Variants in DGAT2L6 observed in about 807,000 individuals in gnomAD.
DGAT2L6 encodes the protein diacylglycerol O-acyltransferase 2 like 6, also known as diacylglycerol O-acyltransferase 2-like protein 6.
A neutral mutation model predicts 25.5 loss-of-function variants in DGAT2L6; 22 were observed. The observed-to-expected ratio is 0.86, with a 90% CI of 0.62 to 1.23. DGAT2L6 has a LOEUF of 1.23. DGAT2L6 is among the 50% of genes most tolerant of loss of function. The probability of loss-of-function intolerance (pLI) is 0.00; values close to 1 mark genes in which losing one functional copy is unlikely to be tolerated. For synonymous variants in DGAT2L6, 100 were observed against 94.7 expected (o/e 1.06, Z -0.32); for missense variants, 287 against 253.2 (o/e 1.13, Z -0.91).
intron 1 of DGAT2L6, among the ~76,000 whole-genome samples, chrX:70,182,791 C>T (rs2085347615): frequency 9.0e-6 from 1 of 111,581 alleles, no homozygotes; most frequent in South Asian, 3.8e-4. Context: ...GTAGCTGGGA[C>T]TACAGGTGCC....
At chrX:70,188,154 G>A (rs2085365054) in intron 1 of DGAT2L6, among the ~76,000 whole-genome samples, 1 of 111,806 alleles carries the variant, frequency 8.9e-6, no homozygotes, top group Non-Finnish European at 1.9e-5. Context: ...ACCCACTTAG[G>A]TCATATTGGT....
chrX:70,202,182 CT>C lies in DGAT2L6; in HGVS notation c.647+120del, dbSNP rs1177804575. The C allele has an allele frequency of 1.1e-5, 7 of 645,270 alleles. No homozygotes were observed. In the East Asian group the frequency reaches 3.0e-4, roughly 28 times the overall value. 53.2% of individuals were successfully genotyped at this position (645,270 alleles called of 1,213,427 possible). A position where few individuals can be genotyped will look rare whatever the true frequency, so the allele number is the denominator to read the frequency against. ...AGGGCCCCCATCTTCACTCTAATTC[CT>C]TCTGTCTACCCCCTCACATTGTGCC... is the stretch of plus-strand genomic sequence containing the variant. On this transcript the variant is annotated intron_variant, in intron 5 of 6. Coordinates refer to ENST00000333026, the MANE Select transcript of DGAT2L6 (RefSeq NM_198512.3).
At chrX:70,182,767 C>T (rs899471925) in intron 1 of DGAT2L6, among the ~76,000 whole-genome samples, 1 of 111,734 alleles carries the variant, frequency 8.9e-6, no homozygotes, top group Non-Finnish European at 1.9e-5. Context: ...CATTCTCCTG[C>T]CTCAGCCTCC....
At chrX:70,188,088 T>C (rs2085364887) in intron 1 of DGAT2L6, among the ~76,000 whole-genome samples, 1 of 112,201 alleles carries the variant, frequency 8.9e-6, no homozygotes, top group African/African-American at 3.2e-5. Flanking sequence ...ATATTGGCTA[T>C]TAATCTATGG....
At chrX:70,198,332 C>T (rs1450432823) in intron 1 of DGAT2L6, among the ~76,000 whole-genome samples, 1 of 112,140 alleles carries the variant, frequency 8.9e-6, no homozygotes, top group East Asian at 2.8e-4. Flanking sequence ...ACAAAATGAA[C>T]ACAGTAAAGT....
In DGAT2L6 at chrX:70,204,391, T is replaced by C. The variant is rs1169569111; in HGVS notation, c.734T>C (p.Phe245Ser). The change falls in exon 6 of 7, where the codon TTC becomes TCC. Residue 245 changes from phenylalanine to serine, a missense_variant. Phe to Ser is a radical substitution (Grantham distance 155). Transcript: ENST00000333026. Reference protein sequence around the residue: ...TFPEGTWLRLFQKTFQDTFKK... With the variant: ...TFPEGTWLRLSQKTFQDTFKK... ...CCTGAGGGCACGTGGTTAAGGTTGT[T>C]CCAAAAAACCTTCCAGGACACATTC... 1 of 1,211,296 alleles carries C rather than the reference T, an allele frequency of 8.3e-7. No individual in the cohort carries two copies. Among genetic ancestry groups the C allele is most frequent in the Non-Finnish European group, 1.1e-6 (1 of 895,354 alleles).
chrX:70,180,306 G>A (rs879253291), intron 1 of DGAT2L6, among the ~76,000 whole-genome samples: 1 of 110,382 alleles, frequency 9.1e-6, no homozygotes, highest in Non-Finnish European at 1.9e-5. Context: ...AAAATTAGCT[G>A]TGTGTGGTGG....
At chrX:70,177,827 G>C (rs1287611927) in intron 1 of DGAT2L6, among the ~76,000 whole-genome samples, 160 bp downstream of exon 1, 9 of 110,646 alleles carry the variant, frequency 8.1e-5, no homozygotes, top group African/African-American at 3.0e-4. Flanking sequence ...CAGCTGTTCT[G>C]GTTTAAAGAT....
chrX:70,202,123 C>T (rs1221934287), intron 5 of DGAT2L6, 59 bp downstream of exon 5: 2 of 1,023,720 alleles, frequency 2.0e-6, no homozygotes, highest in Admixed American at 4.3e-5. Context: ...CTGTAGCCCT[C>T]TCCAGAATGG....
intron 1 of DGAT2L6, among the ~76,000 whole-genome samples, chrX:70,192,550 G>A (rs180928379): frequency 5.4e-5 from 6 of 111,455 alleles, no homozygotes; most frequent in East Asian, 5.6e-4. Flanking sequence ...TAGTACTTTC[G>A]TCACTTATGT....
chrX:70,184,577 G>GCC (rs1213693669), intron 1 of DGAT2L6, among the ~76,000 whole-genome samples: 4 of 109,643 alleles, frequency 3.6e-5, no homozygotes. Context: ...CGATCCTCTT[G>GCC]CCTCAGCTTC....
Position 70,204,362 on chromosome X carries a change from C to T in DGAT2L6, c.705C>T (p.Thr235=), listed in dbSNP as rs1275236462. 1.7e-6 allele frequency: 2 copies of T among 1,210,767 alleles called. No individual in the cohort carries two copies. The highest frequency in any genetic ancestry group is 4.4e-5 in the Admixed American group (2 of 45,943). The change falls in exon 6 of 7, where the codon ACC becomes ACT. Residue 235 remains threonine (T), a synonymous_variant. Coordinates refer to ENST00000333026, the MANE Select transcript of DGAT2L6 (RefSeq NM_198512.3). ...AGAACGAAGTTTTCAATCAGGAGAC[C>T]TTCCCTGAGGGCACGTGGTTAAGGT... ...FGENEVFNQE[T]FPEGTWLRLF... is the part of the protein sequence containing the mutation.
intron 1 of DGAT2L6, 57 bp downstream of exon 1, chrX:70,177,724 A>C: frequency 9.8e-7 from 1 of 1,015,540 alleles, no homozygotes; most frequent in Non-Finnish European, 1.4e-6. Flanking sequence ...AGAGTGGCCA[A>C]TCTCCAGATG....
rs753377531 is a variant in DGAT2L6, at chrX:70,199,849, A to T, written c.234A>T (p.Leu78=). The T allele has an allele frequency of 8.3e-7, 1 of 1,211,327 alleles. No homozygotes were observed. Among genetic ancestry groups the T allele is most frequent in the Non-Finnish European group, 1.1e-6 (1 of 895,356 alleles). The stretch of plus-strand genomic sequence containing the variant: ...CAGCTTGGGTACGAAACTGGACCCT[A>T]TGGAAGTATTTCCGAAATTACTTCC... ...RRSAWVRNWT[L]WKYFRNYFPV... Residue 78 remains leucine (L), a synonymous_variant, in exon 3 of 7, where the codon CTA becomes CTT. Coordinates refer to ENST00000333026, the MANE Select transcript of DGAT2L6 (RefSeq NM_198512.3).
intron 1 of DGAT2L6, among the ~76,000 whole-genome samples, chrX:70,191,228 G>A (rs997369210): frequency 1.8e-5 from 2 of 112,191 alleles, no homozygotes; most frequent in East Asian, 2.8e-4. Context: ...ATCCTGAAGT[G>A]CAGTGAGTTG....
At chrX:70,190,421 G>A (rs1227654943) in intron 1 of DGAT2L6, among the ~76,000 whole-genome samples, 2 of 100,918 alleles carry the variant, frequency 2.0e-5, no homozygotes, top group East Asian at 5.8e-4. Flanking sequence ...AACTCTAGTA[G>A]AGTCCAACAC....
intron 1 of DGAT2L6, among the ~76,000 whole-genome samples, chrX:70,193,312 GAA>G (rs373512665): frequency 6.9e-5 from 5 of 72,824 alleles, no homozygotes; most frequent in Non-Finnish European, 8.3e-5. Flanking sequence ...TGTGTCAAAA[GAA>G]AAAAAAAAAA....
At chrX:70,178,141 GAA>G (rs372158254) in intron 1 of DGAT2L6, among the ~76,000 whole-genome samples, 3,156 of 94,088 alleles carry the variant, frequency 0.034, 122 homozygotes, top group African/African-American at 0.12. Context: ...GTCTCAAGAT[GAA>G]AAAAAAAAAA....
chrX:70,190,740 C>T (rs983528570), intron 1 of DGAT2L6, among the ~76,000 whole-genome samples: 1 of 111,997 alleles, frequency 8.9e-6, no homozygotes, highest in African/African-American at 3.2e-5. Context: ...GGAGTCATGC[C>T]TGTCTGTGCC....
Sources: allele counts gnomAD v4.1 joint callset (sites outside exome capture counted in the v4.1 genomes callset), GRCh38; gene constraint gnomAD v4.1.1; transcripts MANE v1.5; gene names NCBI Gene and HGNC (gene_info 2026-07-23, HGNC 2026-07-21).